The following SIDT1 variants were observed in gnomAD, a reference collection of about 807,000 sequenced individuals.
SIDT1 encodes the protein SID1 transmembrane family, member 1.
In SIDT1, 101 loss-of-function variants were observed where a neutral mutation model predicts 107.5. The observed-to-expected ratio is 0.94, with a 90% confidence interval of 0.80 to 1.11. SIDT1 has a LOEUF of 1.11. SIDT1 is among the 50% of genes least tolerant of loss of function. SIDT1 has a pLI of 0.00. For missense variants in SIDT1, 1,076 were observed against 1,058.2 expected (o/e 1.02, Z -0.23); for synonymous variants, 395 against 398.2 (o/e 0.99, Z 0.10).
At chr3:113,560,615 C>G (rs1390265065) in intron 1 of SIDT1, among the ~76,000 whole-genome samples, 1 of 152,150 alleles carries the variant, frequency 6.6e-6, no homozygotes, top group Non-Finnish European at 1.5e-5. Context: ...GGACCATCAG[C>G]AGATACTGTT....
At chr3:113,637,035 T>C in the SIDT1 span, among the ~76,000 whole-genome samples, 2 of 152,142 alleles carry the variant, frequency 1.3e-5, no homozygotes, top group African/African-American at 4.8e-5. Context: ...CACAGCCAGG[T>C]AACAGGGGAA....
intron 10 of SIDT1, among the ~76,000 whole-genome samples, chr3:113,594,072 T>A (rs1365929909): frequency 2.6e-5 from 4 of 152,234 alleles, no homozygotes; most frequent in African/African-American, 9.6e-5. Flanking sequence ...ACATAGCAGA[T>A]GTTTAGGTGT....
intron 1 of SIDT1, among the ~76,000 whole-genome samples, chr3:113,557,088 G>A (rs1048777395): frequency 3.9e-5 from 6 of 152,160 alleles, no homozygotes; most frequent in Admixed American, 6.5e-5. Flanking sequence ...AATTACAGGC[G>A]TGAGCCAAGG....
chr3:113,558,900 T>C lies in SIDT1; in HGVS notation c.223-7520T>C, dbSNP rs144751616. On this transcript the variant is annotated intron_variant, in intron 1 of 24. Coordinates refer to ENST00000264852, the MANE Select transcript of SIDT1 (RefSeq NM_017699.3). ...AAGATGTACAAATAAAAATACTGTA[T>C]TGTTTTCCTTGTTTACAAAGTTAAA... Among the ~76,000 whole-genome samples the C allele has an allele frequency of 2.5e-3, 381 of 152,380 alleles. 1 individual carries two copies. The highest frequency in any genetic ancestry group is 8.6e-3 in the African/African-American group (358 of 41,596).
chr3:113,568,304 T>C (rs1163283460), intron 3 of SIDT1, among the ~76,000 whole-genome samples: 1 of 151,880 alleles, frequency 6.6e-6, no homozygotes, highest in African/African-American at 2.4e-5. Flanking sequence ...CTATAAGAAA[T>C]GTAAATTAAG....
chr3:113,636,387 A>C, the SIDT1 span, among the ~76,000 whole-genome samples: 4 of 152,168 alleles, frequency 2.6e-5, no homozygotes, highest in African/African-American at 7.2e-5. Context: ...TGGACAATAG[A>C]GCGAGACTCT....
intron 21 of SIDT1, among the ~76,000 whole-genome samples, 168 bp from the exon 22 acceptor site, chr3:113,623,259 T>C (rs998058130): frequency 2.8e-5 from 4 of 143,766 alleles, no homozygotes; most frequent in Non-Finnish European, 4.5e-5. Context: ...AAAAATCTAC[T>C]GTTCCATCAG....
intron 10 of SIDT1, among the ~76,000 whole-genome samples, chr3:113,594,551 A>T (rs1198265339): frequency 6.6e-6 from 1 of 152,100 alleles, no homozygotes; most frequent in Non-Finnish European, 1.5e-5. Context: ...TTATTATAAT[A>T]ATATTTATTG....
At chr3:113,579,118 G>A (rs1227996020) in intron 4 of SIDT1, among the ~76,000 whole-genome samples, 1 of 152,130 alleles carries the variant, frequency 6.6e-6, no homozygotes, top group Non-Finnish European at 1.5e-5. Flanking sequence ...TTAGAAGCAG[G>A]TTGCAGAAAC....
At chr3:113,605,555 T>C (rs572714567) in intron 14 of SIDT1, among the ~76,000 whole-genome samples, 64 of 152,218 alleles carry the variant, frequency 4.2e-4, no homozygotes, top group Admixed American at 2.6e-4. Context: ...AGTCATGATA[T>C]CTATCCACTG....
rs1229331472 is a variant in SIDT1 at position 113,603,134 on chromosome 3, ACAT to A, written c.1252_1254del (p.Ile418del). The A allele has an allele frequency of 2.5e-6, 4 of 1,613,550 alleles. No homozygotes were observed. Among genetic ancestry groups the A allele is most frequent in the Non-Finnish European group, 3.4e-6 (4 of 1,179,762 alleles). ...ATGCCAGACATTGAGAGTGATAAAA[ACAT>A]CATCCGGACCAAGGTACCCACTCTG... On this transcript the variant is annotated inframe_deletion, in exon 12 of 25. Transcript: ENST00000264852.
chr3:113,609,556 A>G (rs910234648), intron 17 of SIDT1, among the ~76,000 whole-genome samples: 1 of 152,184 alleles, frequency 6.6e-6, no homozygotes, highest in Non-Finnish European at 1.5e-5. Context: ...GCGGGTAGAC[A>G]TTGAGTTAAT....
In SIDT1 at chr3:113,533,103, T is replaced by C; in HGVS notation, c.82T>C (p.Ser28Pro). 6.5e-7 allele frequency: 1 copy of C among 1,531,050 alleles called. No homozygotes were observed. The highest frequency in any genetic ancestry group is 1.2e-5 in the South Asian group (1 of 80,828). The allele number at this position is 1,531,050 out of a possible 1,614,324, so 94.8% of individuals were successfully genotyped here. ...GGCGTCGCCCGGGCACCCGGCGAAA[T>C]CCCCCAGGCAGCCCCCGGCACCGCG... The part of the protein sequence containing the change: ...LAASPGHPAK[S>P]PRQPPAPRRD... Residue 28 changes from serine (S) to proline (P), a missense_variant, in exon 1 of 25, where the codon TCC becomes CCC. Transcript: ENST00000264852.
chr3:113,625,892 C>G (rs769080439), intron 23 of SIDT1: 3 of 533,278 alleles, frequency 5.6e-6, no homozygotes, highest in Non-Finnish European at 1.0e-5. Context: ...AGCTTCGTAG[C>G]TTGATGTAAT....
In SIDT1 at chr3:113,597,475, G is replaced by A. The variant is rs374994506; in HGVS notation, c.1046-4113G>A. On this transcript the variant is annotated intron_variant, in intron 10 of 24. Coordinates refer to ENST00000264852, the MANE Select transcript of SIDT1 (RefSeq NM_017699.3). ...TCATGCCACTGCACTCCAGCCTGGCGACAGAGCGAGACTCCATCTCAAAAA... is the reference window on the plus strand; with the variant it reads ...TCATGCCACTGCACTCCAGCCTGGCAACAGAGCGAGACTCCATCTCAAAAA... Among the ~76,000 whole-genome samples the A allele has an allele frequency of 1.9e-3, 250 of 131,466 alleles. 1 individual carries two copies. The highest frequency in any genetic ancestry group is 6.7e-3 in the African/African-American group (227 of 34,098). 86.2% of individuals were successfully genotyped at this position (131,466 alleles called of 152,430 possible).
intron 24 of SIDT1, among the ~76,000 whole-genome samples, chr3:113,627,411 T>G (rs1007562727): frequency 7.9e-5 from 12 of 152,184 alleles, no homozygotes; most frequent in Admixed American, 7.9e-4. Context: ...ACCAACTATA[T>G]CTCCATAGCA....
At chr3:113,616,016 CT>C in intron 19 of SIDT1, 83 bp from the exon 20 acceptor site, 1 of 880,476 alleles carries the variant, frequency 1.1e-6, no homozygotes, top group Non-Finnish European at 2.0e-6. Flanking sequence ...TGACATCATT[CT>C]GGCTCCAAAA....
At chr3:113,534,859 T>C (rs1937923513) in intron 1 of SIDT1, among the ~76,000 whole-genome samples, 1 of 152,224 alleles carries the variant, frequency 6.6e-6, no homozygotes, top group Non-Finnish European at 1.5e-5. Context: ...CCTTGTACTG[T>C]GTGAGTTTTG....
At chr3:113,608,360 G>C (rs1194025518) in intron 16 of SIDT1, 59 bp from the exon 17 acceptor site, 2 of 1,530,694 alleles carry the variant, frequency 1.3e-6, no homozygotes, top group African/African-American at 2.7e-5. Flanking sequence ...TTCCAGATTA[G>C]TGACTTGGTG....
Sources: gnomAD v4.1 joint callset for allele counts (sites outside exome capture counted in the v4.1 genomes callset) on GRCh38, gnomAD v4.1.1 for gene constraint, MANE v1.5 for transcripts, NCBI Gene and HGNC (gene_info 2026-07-23, HGNC 2026-07-21) for gene names.